STX8: variants seen among roughly 807,000 people sequenced by gnomAD.
The protein encoded by STX8 is syntaxin 8.
In STX8, 23 loss-of-function variants were observed where a neutral mutation model predicts 37.5. That is an observed-to-expected ratio of 0.61 (90% CI 0.44 to 0.87). The LOEUF (loss-of-function observed/expected upper bound fraction) is 0.87, where lower values mean the gene tolerates loss of function less well. Among genes scored for constraint, STX8 ranks in the 40% least tolerant of loss-of-function variants. STX8 has a pLI of 0.00. For synonymous variants in STX8, 115 were observed against 99.1 expected (o/e 1.16, Z -0.95); for missense variants, 313 against 284.7 (o/e 1.10, Z -0.71).
At chr17:9,472,498 G>C (rs1905914425) in intron 6 of STX8, among the ~76,000 whole-genome samples, 1 of 152,242 alleles carries the variant, frequency 6.6e-6, no homozygotes, top group African/African-American at 2.4e-5. Context: ...CAGAGGCACT[G>C]AGGAGGAGAA....
chr17:9,504,673 G>T (rs1016383683), intron 5 of STX8, among the ~76,000 whole-genome samples: 2 of 151,942 alleles, frequency 1.3e-5, no homozygotes, highest in Non-Finnish European at 2.9e-5. Flanking sequence ...AACAAACAAG[G>T]CTCCAGTAGA....
intron 6 of STX8, among the ~76,000 whole-genome samples, chr17:9,488,821 A>AGAGTGTGTGTGT (rs563653738): frequency 8.3e-5 from 12 of 144,014 alleles, no homozygotes; most frequent in African/African-American, 2.3e-4. Context: ...AGAGAGAGAG[A>AGAGTGTGTGTGT]GTGTGTGTGT....
chr17:9,368,367 G>A lies in STX8; in HGVS notation c.643+10185C>T, dbSNP rs117813172. Among the ~76,000 whole-genome samples the A allele has an allele frequency of 6.0e-3, 917 of 152,180 alleles. 12 individuals carry two copies. Among genetic ancestry groups the A allele is most frequent in the Non-Finnish European group, 5.4e-3 (370 of 68,022 alleles). ...AAAATACAAAACATTAGCCAGGCCT[G>A]GTGGGGGGTGCCTGCAGTCCCAGCT... is the stretch of plus-strand genomic sequence containing the variant. On this transcript the variant is annotated intron_variant, in intron 7 of 7. Transcript: ENST00000306357.
intron 5 of STX8, among the ~76,000 whole-genome samples, chr17:9,497,768 T>C (rs1904459655): frequency 6.6e-6 from 1 of 152,234 alleles, no homozygotes; most frequent in Admixed American, 6.5e-5. Context: ...AGACTTCTTC[T>C]TTTTCTATGT....
intron 7 of STX8, among the ~76,000 whole-genome samples, chr17:9,326,597 GATC>G (rs1909761100): frequency 6.6e-6 from 1 of 152,160 alleles, no homozygotes; most frequent in South Asian, 2.1e-4. Context: ...TTACGACCCT[GATC>G]ATCCTTTGGC....
intron 7 of STX8, among the ~76,000 whole-genome samples, chr17:9,280,647 C>T (rs192936430): frequency 6.6e-6 from 1 of 152,298 alleles, no homozygotes; most frequent in Admixed American, 6.5e-5. Context: ...CACAAGTTTA[C>T]TGAGGAACCG....
intron 3 of STX8, chr17:9,553,695 T>C (rs1021447357): frequency 1.3e-5 from 2 of 152,232 alleles, no homozygotes; most frequent in African/African-American, 2.4e-5. Flanking sequence ...CACTGTTTAA[T>C]CTTCGGATGG....
chr17:9,326,154 A>G (rs904526359), intron 7 of STX8, among the ~76,000 whole-genome samples: 14 of 150,864 alleles, frequency 9.3e-5, no homozygotes, highest in African/African-American at 3.4e-4. Flanking sequence ...TTTTTGAGAC[A>G]GGGTCTCACT....
At chr17:9,422,444 C>T (rs531059798) in intron 6 of STX8, among the ~76,000 whole-genome samples, 2 of 152,174 alleles carry the variant, frequency 1.3e-5, no homozygotes, top group African/African-American at 2.4e-5. Flanking sequence ...CATGTGAGAA[C>T]GGACTAATAC....
intron 7 of STX8, among the ~76,000 whole-genome samples, chr17:9,315,380 TG>T (rs1326220703): frequency 6.6e-6 from 1 of 151,956 alleles, no homozygotes; most frequent in African/African-American, 2.4e-5. Context: ...TAAGAGACCA[TG>T]GACCATGGAC....
intron 7 of STX8, among the ~76,000 whole-genome samples, chr17:9,363,179 T>C (rs1911122846): frequency 1.3e-5 from 2 of 152,158 alleles, no homozygotes; most frequent in Non-Finnish European, 1.5e-5. Context: ...AAAATACATA[T>C]AATGTAAAAT....
chr17:9,346,691 AAG>A (rs1910544781), intron 7 of STX8, among the ~76,000 whole-genome samples: 1 of 152,224 alleles, frequency 6.6e-6, no homozygotes, highest in African/African-American at 2.4e-5. Flanking sequence ...CCAGGAAGCA[AAG>A]AGACTCCCTA....
intron 6 of STX8, among the ~76,000 whole-genome samples, chr17:9,444,461 G>T (rs1406647790): frequency 2.0e-5 from 3 of 152,206 alleles, no homozygotes; most frequent in Non-Finnish European, 4.4e-5. Flanking sequence ...ATTATTTCCA[G>T]TTTAGATCTG....
At chr17:9,433,562 T>C (rs1914048265) in intron 6 of STX8, among the ~76,000 whole-genome samples, 1 of 152,216 alleles carries the variant, frequency 6.6e-6, no homozygotes, top group Non-Finnish European at 1.5e-5. Flanking sequence ...GTTTCATGGA[T>C]GTACACCTAT....
intron 1 of STX8, among the ~76,000 whole-genome samples, chr17:9,574,976 T>C (rs767960979): frequency 1.3e-5 from 2 of 152,238 alleles, no homozygotes; most frequent in Non-Finnish European, 2.9e-5. Context: ...ATAAACTATA[T>C]TAGAAATAAC....
At chr17:9,465,650 C>T (rs1369776306) in intron 6 of STX8, among the ~76,000 whole-genome samples, 1 of 152,170 alleles carries the variant, frequency 6.6e-6, no homozygotes, top group African/African-American at 2.4e-5. Flanking sequence ...AAGCAGCACG[C>T]CTGTCATCAC....
intron 6 of STX8, among the ~76,000 whole-genome samples, chr17:9,407,105 C>T (rs542069969): frequency 7.9e-5 from 12 of 152,290 alleles, no homozygotes; most frequent in African/African-American, 2.4e-4. Flanking sequence ...AAAGAAATCA[C>T]GAAGGCCTCA....
chr17:9,539,402 C>T (rs9891058), intron 4 of STX8, among the ~76,000 whole-genome samples: 5 of 152,170 alleles, frequency 3.3e-5, no homozygotes, highest in South Asian at 2.1e-4. Context: ...AGGTTCCAAG[C>T]GAGTCCTGGT....
intron 4 of STX8, 44 bp downstream of exon 4, chr17:9,545,128 A>C (rs1415519409): frequency 2.3e-6 from 3 of 1,332,904 alleles, no homozygotes; most frequent in Admixed American, 3.5e-5. Flanking sequence ...TCTGCAAAGA[A>C]GTCTTCGCCC....
Sources: allele counts gnomAD v4.1 joint callset (sites outside exome capture counted in the v4.1 genomes callset), GRCh38; gene constraint gnomAD v4.1.1; transcripts MANE v1.5; gene names NCBI Gene and HGNC (gene_info 2026-07-23, HGNC 2026-07-21).